Variants in PAM observed in about 807,000 individuals in gnomAD.
The protein encoded by PAM is peptidyl-glycine alpha-amidating monooxygenase.
Under a neutral mutation model 122.1 loss-of-function variants are expected in PAM, and 72 were observed. That is an observed-to-expected ratio of 0.59 (90% CI 0.49 to 0.72). The LOEUF (loss-of-function observed/expected upper bound fraction) is 0.72, where lower values mean the gene tolerates loss of function less well. PAM is among the 30% of genes least tolerant of loss of function. The probability of loss-of-function intolerance (pLI) is 0.00; values close to 1 mark genes in which losing one functional copy is unlikely to be tolerated. For missense variants in PAM, 1,106 were observed against 1,183.7 expected (o/e 0.93, Z 0.96); for synonymous variants, 389 against 404.4 (o/e 0.96, Z 0.46).
chr5:103,028,739 G>A (rs997347810), intron 25 of PAM, 148 bp from the exon 26 acceptor site: 29 of 591,448 alleles, frequency 4.9e-5, no homozygotes, highest in Middle Eastern at 9.0e-4. Context: ...TGTAGGATAC[G>A]TCTCTGTCTG....
At chr5:102,812,332 A>G (rs1768170706) in intron 1 of PAM, among the ~76,000 whole-genome samples, 3 of 152,124 alleles carry the variant, frequency 2.0e-5, no homozygotes, top group Admixed American at 2.0e-4. Flanking sequence ...CATCCACACA[A>G]AGCGTAAGAT....
At chr5:102,758,442 G>A (rs1418424207) in intron 1 of PAM, among the ~76,000 whole-genome samples, 4 of 152,164 alleles carry the variant, frequency 2.6e-5, no homozygotes, top group African/African-American at 4.8e-5. Flanking sequence ...TGGAAGCCGT[G>A]TCATCTGGTA....
intron 14 of PAM, among the ~76,000 whole-genome samples, chr5:102,968,282 G>C (rs1038475630): frequency 6.6e-6 from 1 of 152,182 alleles, no homozygotes; most frequent in Non-Finnish European, 1.5e-5. Context: ...GTACAGAAAA[G>C]ACAGGGAAAC....
chr5:102,988,167 C>T (rs1481866882), intron 15 of PAM, among the ~76,000 whole-genome samples: 2 of 152,168 alleles, frequency 1.3e-5, no homozygotes, highest in African/African-American at 4.8e-5. Context: ...TTTACAAAAT[C>T]TTACAACACA....
At chr5:102,855,191 A>G (rs1278047477) in intron 1 of PAM, among the ~76,000 whole-genome samples, 1 of 152,146 alleles carries the variant, frequency 6.6e-6, no homozygotes, top group Admixed American at 6.5e-5. Flanking sequence ...TCTAAACCCA[A>G]TTGAGCAGAA....
chr5:102,877,030 A>G (rs1027371527), intron 3 of PAM, among the ~76,000 whole-genome samples: 1 of 152,180 alleles, frequency 6.6e-6, no homozygotes, highest in Non-Finnish European at 1.5e-5. Context: ...AGTCAAGGAG[A>G]TAATATTTAT....
Position 103,007,158 on chromosome 5 carries a change from T to C in PAM, c.2014+147T>C, listed in dbSNP as rs1254973628. 9 of 601,642 alleles carry C rather than the reference T, an allele frequency of 1.5e-5. No homozygotes were observed. The East Asian group carries it at 2.2e-4, about 15-fold the overall frequency. 37.3% of individuals were successfully genotyped at this position (601,642 alleles called of 1,614,324 possible). On this transcript the variant is annotated intron_variant, in intron 19 of 25. Coordinates refer to ENST00000438793, the MANE Select transcript of PAM (RefSeq NM_001177306.2). ...GGGTCATTGTATGCATCCAGTTAGC[T>C]TGTCTCTCACACACACACACACACA...
At chr5:102,846,164 T>C (rs2150651565) in intron 1 of PAM, among the ~76,000 whole-genome samples, 1 of 152,312 alleles carries the variant, frequency 6.6e-6, no homozygotes, top group African/African-American at 2.4e-5. Flanking sequence ...AATATACAGC[T>C]ACCCTTGAGA....
chr5:102,844,714 C>T (rs1251422524), intron 1 of PAM, among the ~76,000 whole-genome samples: 1 of 152,006 alleles, frequency 6.6e-6, no homozygotes, highest in Non-Finnish European at 1.5e-5. Context: ...AAAGAATGGG[C>T]TCTTAAACAC....
chr5:102,916,640 A>G (rs868207008), intron 5 of PAM, among the ~76,000 whole-genome samples: 20 of 147,164 alleles, frequency 1.4e-4, no homozygotes, highest in Middle Eastern at 3.6e-3. Flanking sequence ...ATATATATAT[A>G]TATATTCCTT....
intron 7 of PAM, among the ~76,000 whole-genome samples, chr5:102,927,326 C>T (rs1749916490): frequency 6.6e-6 from 1 of 152,206 alleles, no homozygotes; most frequent in Non-Finnish European, 1.5e-5. Context: ...ATGCTTGTTA[C>T]TCCTGCTGCT....
intron 7 of PAM, among the ~76,000 whole-genome samples, chr5:102,943,769 G>A (rs1270590905): frequency 6.6e-6 from 1 of 152,088 alleles, no homozygotes; most frequent in African/African-American, 2.4e-5. Flanking sequence ...CTGAGATTCT[G>A]TGAGTCTATA....
chr5:102,870,459 G>T (rs1462885542), intron 3 of PAM, among the ~76,000 whole-genome samples: 2 of 152,100 alleles, frequency 1.3e-5, no homozygotes, highest in Non-Finnish European at 2.9e-5. Context: ...AGGATATCCA[G>T]TCATGTCAGG....
intron 12 of PAM, among the ~76,000 whole-genome samples, chr5:102,957,072 G>T (rs1033987373): frequency 6.6e-6 from 1 of 152,116 alleles, no homozygotes; most frequent in African/African-American, 2.4e-5. Flanking sequence ...TGGACAGATA[G>T]AAGGATATAG....
intron 1 of PAM, among the ~76,000 whole-genome samples, chr5:102,779,643 C>A (rs1758071935): frequency 6.6e-6 from 1 of 151,756 alleles, no homozygotes; most frequent in Non-Finnish European, 1.5e-5. Flanking sequence ...CTGGTGGGCA[C>A]AATCTAATCA....
In PAM at chr5:103,006,762, C is replaced by G. The variant is rs770639183; in HGVS notation, c.1804-39C>G. The G allele has an allele frequency of 2.8e-6, 4 of 1,446,124 alleles. No individual in the cohort carries two copies. In the East Asian group the frequency reaches 9.1e-5, roughly 33 times the overall value. 89.6% of individuals were successfully genotyped at this position (1,446,124 alleles called of 1,614,324 possible). A position where few individuals can be genotyped will look rare whatever the true frequency, so the allele number is the denominator to read the frequency against. ...CATGTGGGTGTAAGTCACTAATAACCATGAAAAGTAGGTAAGGCTTTTGTT... is the reference window on the plus strand; with the variant it reads ...CATGTGGGTGTAAGTCACTAATAACGATGAAAAGTAGGTAAGGCTTTTGTT... On this transcript the variant is annotated intron_variant, in intron 18 of 25. Coordinates refer to ENST00000438793, the MANE Select transcript of PAM (RefSeq NM_001177306.2).
chr5:102,966,993 C>T (rs1764274476), intron 14 of PAM, among the ~76,000 whole-genome samples: 1 of 150,362 alleles, frequency 6.7e-6, no homozygotes, highest in Non-Finnish European at 1.5e-5. Context: ...AAATTAGATA[C>T]TTTTTTTTTT....
chr5:103,009,235 C>A (rs1322389533), intron 20 of PAM, among the ~76,000 whole-genome samples: 1 of 152,196 alleles, frequency 6.6e-6, no homozygotes, highest in African/African-American at 2.4e-5. Context: ...CTTTGATAAT[C>A]TGAAATATAC....
chr5:102,795,061 G>C (rs1406827660), intron 1 of PAM, among the ~76,000 whole-genome samples: 3 of 151,528 alleles, frequency 2.0e-5, no homozygotes, highest in Non-Finnish European at 2.9e-5. Context: ...GTGGTGGTGG[G>C]CTCTGTTAGT....
Sources: gnomAD v4.1 joint callset for allele counts (sites outside exome capture counted in the v4.1 genomes callset) on GRCh38, gnomAD v4.1.1 for gene constraint, MANE v1.5 for transcripts, NCBI Gene and HGNC (gene_info 2026-07-23, HGNC 2026-07-21) for gene names.